Variants in MLLT6 observed in about 807,000 individuals in gnomAD.
MLLT6 encodes the protein protein AF-17.
MLLT6 carries 22 observed loss-of-function variants against 103.0 expected under a neutral mutation model. That is an observed-to-expected ratio of 0.21 (90% CI 0.15 to 0.31). The LOEUF is 0.31. Ranked by LOEUF, MLLT6 falls within the 10% of genes least tolerant of loss-of-function variation. The probability of loss-of-function intolerance (pLI) is 1.00; values close to 1 mark genes in which losing one functional copy is unlikely to be tolerated. For synonymous variants in MLLT6, 606 were observed against 623.5 expected, an observed-to-expected ratio of 0.97 and a Z score of 0.42; for missense variants, 1,199 against 1,441.7, an observed-to-expected ratio of 0.83 and a Z score of 2.73.
Position 38,717,422 on chromosome 17 carries a change from G to C in MLLT6, c.1652-10G>C. 6 of 1,579,974 alleles carry C rather than the reference G, an allele frequency of 3.8e-6. No individual in the cohort carries two copies. Among genetic ancestry groups the C allele is most frequent in the Non-Finnish European group, 5.2e-6 (6 of 1,160,412 alleles). On this transcript the variant is annotated splice_polypyrimidine_tract_variant and intron_variant, in intron 10 of 19. Transcript: ENST00000621332. Reference sequence around the variant, plus strand: ...TAACCACGTGCTTCCCTCTGTCCTTGTGCCTGCAGGCATCTACACCAGTAA... The same window carrying C: ...TAACCACGTGCTTCCCTCTGTCCTTCTGCCTGCAGGCATCTACACCAGTAA...
At chr17:38,712,465 G>A (rs887525545) in intron 7 of MLLT6, among the ~76,000 whole-genome samples, 1 of 152,194 alleles carries the variant, frequency 6.6e-6, no homozygotes, top group Non-Finnish European at 1.5e-5. Context: ...CGTGATAATG[G>A]GACAGGCTAT....
In MLLT6 at chr17:38,711,951, G is replaced by A. The variant is rs1905156129; in HGVS notation, c.657G>A (p.Arg219=). 6.2e-7 allele frequency: 1 copy of A among 1,609,640 alleles called. No individual in the cohort carries two copies. Among genetic ancestry groups the A allele is most frequent in the Admixed American group, 1.7e-5 (1 of 59,544 alleles). ...GTTTCATCTCTGGGAGGAGAAGCCGGTCAGCCTCACCATCCACGCAGCAGG... is the reference window on the plus strand; with the variant it reads ...GTTTCATCTCTGGGAGGAGAAGCCGATCAGCCTCACCATCCACGCAGCAGG... ...GSGFISGRRS[R]SASPSTQQEK... is the part of the protein sequence containing the mutation. Residue 219 remains arginine, a synonymous_variant, in exon 7 of 20, where the codon CGG becomes CGA. Transcript: ENST00000621332.
Position 38,716,860 on chromosome 17 carries a change from T to G in MLLT6, c.1530T>G (p.Ala510=), listed in dbSNP as rs1258756033. ...SAQLAGFTAT[A]ASPFSGGSLV... ...AGCTGGCTGGCTTTACCGCCACTGC[T>G]GCCTCACCCTTCTCTGGAGGTTCCC... Residue 510 remains alanine, a synonymous_variant, in exon 10 of 20, where the codon GCT becomes GCG. Coordinates refer to ENST00000621332, the MANE Select transcript of MLLT6 (RefSeq NM_005937.4). The surrounding 1 kb of genome is among the most constrained non-coding windows in gnomAD (Gnocchi z 5.6). 1 of 1,613,636 alleles carries G rather than the reference T, an allele frequency of 6.2e-7. No homozygotes were observed. The highest frequency in any genetic ancestry group is 8.5e-7 in the Non-Finnish European group (1 of 1,179,766).
rs929807924 is a variant in MLLT6, at chr17:38,727,152, TAAAGA to T, written c.*1561_*1565del. 7 of 230,738 alleles carry T rather than the reference TAAAGA, an allele frequency of 3.0e-5. No homozygotes were observed. Among genetic ancestry groups the T allele is most frequent in the African/African-American group, 6.7e-5 (3 of 44,898 alleles). 14.3% of individuals were successfully genotyped at this position (230,738 alleles called of 1,614,324 possible). A position where few individuals can be genotyped will look rare whatever the true frequency, so the allele number is the denominator to read the frequency against. On this transcript the variant is annotated 3_prime_UTR_variant, in exon 20 of 20. Coordinates refer to ENST00000621332, the MANE Select transcript of MLLT6 (RefSeq NM_005937.4). Reference sequence around the variant, plus strand: ...TGTTGGGTTTTTTTTTTTTTTTTAATAAAGAAAAGAAGATGTGTATATTTTTGGCA... The same window carrying T: ...TGTTGGGTTTTTTTTTTTTTTTTAATAAAGAAGATGTGTATATTTTTGGCA...
rs1555624012 is a variant in MLLT6, at chr17:38,726,399, G to GTGTGTC, written c.*804_*805insGTCTGT. The stretch of plus-strand genomic sequence containing the variant: ...TGTGTGTGTGTGTGTGTGTGTGTGT[G>GTGTGTC]TGTCTGTCTGCCTGTCTCTCTCCTC... On this transcript the variant is annotated 3_prime_UTR_variant, in exon 20 of 20. Transcript: ENST00000621332. The GTGTGTC allele has an allele frequency of 9.4e-5, 22 of 233,820 alleles. No homozygotes were observed. Among genetic ancestry groups the GTGTGTC allele is most frequent in the African/African-American group, 4.9e-4 (22 of 45,236 alleles). 14.5% of individuals were successfully genotyped at this position (233,820 alleles called of 1,614,324 possible).
Position 38,721,877 on chromosome 17 carries a change from G to T in MLLT6, c.2443-1G>T. On this transcript the variant is annotated splice_acceptor_variant, in intron 16 of 19. Transcript: ENST00000621332. LOFTEE classifies it high-confidence loss of function. ...CCCCTCCCTTCCCCCTCCCTCCCCA[G>T]GACCCACACTCAGGCTGCCCGAGCC... The T allele has an allele frequency of 6.4e-7, 1 of 1,557,896 alleles. No individual in the cohort carries two copies. The highest frequency in any genetic ancestry group is 1.1e-5 in the South Asian group (1 of 87,618).
chr17:38,706,414 C>G (rs1053902798), intron 1 of MLLT6, among the ~76,000 whole-genome samples: 6 of 152,058 alleles, frequency 3.9e-5, no homozygotes, highest in Non-Finnish European at 5.9e-5. Context: ...ATGCTGTGGC[C>G]CGGGGCTCTT....
chr17:38,719,387 C>T, intron 12 of MLLT6, 130 bp from the exon 13 acceptor site: 2 of 850,378 alleles, frequency 2.4e-6, no homozygotes, highest in Non-Finnish European at 3.8e-6. Flanking sequence ...CTTGAACTGC[C>T]AGTGTGGGGT....
At chr17:38,706,076 C>G (rs1597987708) in intron 1 of MLLT6, 1 of 156,850 alleles carries the variant, frequency 6.4e-6, no homozygotes. Context: ...CCCTCCCGCC[C>G]GGTTATTTTG....
In MLLT6 at chr17:38,720,352, G is replaced by T; in HGVS notation, c.2156-20G>T. 1 of 1,321,040 alleles carries T rather than the reference G, an allele frequency of 7.6e-7. No individual in the cohort carries two copies. Among genetic ancestry groups the T allele is most frequent in the South Asian group, 1.2e-5 (1 of 85,862 alleles). 81.8% of individuals were successfully genotyped at this position (1,321,040 alleles called of 1,614,324 possible). A position where few individuals can be genotyped will look rare whatever the true frequency, so the allele number is the denominator to read the frequency against. On this transcript the variant is annotated intron_variant, in intron 14 of 19. Coordinates refer to ENST00000621332, the MANE Select transcript of MLLT6 (RefSeq NM_005937.4). ...CTCCGCCCCCTCGCCCCTCCCTCAG[G>T]TTCCTCGCTCTCTCCGCAGTCGTGG... is the stretch of plus-strand genomic sequence containing the variant.
At chr17:38,705,890 C>G (rs114177874) in intron 1 of MLLT6, 149 bp downstream of exon 1, 3 of 300,004 alleles carry the variant, frequency 1.0e-5, no homozygotes, top group Admixed American at 5.1e-5. Flanking sequence ...GAGCTCCCCC[C>G]GCCCGGTCCT....
In MLLT6 at chr17:38,719,753, C is replaced by T. The variant is rs1422339559; in HGVS notation, c.2013C>T (p.Ser671=). ...TSPQESLSSM[S]PISSLPALFD... ...CCCAGGTTCCCTCTGGCCGCAGGTC[C>T]CCCATCAGCAGCCTCCCCGCACTCT... The change falls in exon 14 of 20, where the codon TCC becomes TCT. Residue 671 remains serine (S), a synonymous_variant. Transcript: ENST00000621332. 21 of 1,608,312 alleles carry T rather than the reference C, an allele frequency of 1.3e-5. No individual in the cohort carries two copies. Among genetic ancestry groups the T allele is most frequent in the Non-Finnish European group, 1.4e-5 (16 of 1,176,418 alleles).
rs1313529461 is a variant in MLLT6, at chr17:38,725,122, C to T, written c.3240+146C>T. 34 of 619,126 alleles carry T rather than the reference C, an allele frequency of 5.5e-5. 3 individuals are homozygous for T. The South Asian group carries it at 6.8e-4, about 12-fold the overall frequency. The allele number at this position is 619,126 out of a possible 1,614,324, so 38.4% of individuals were successfully genotyped here. A position where few individuals can be genotyped will look rare whatever the true frequency, so the allele number is the denominator to read the frequency against. ...AGTACCCTGCCTCAGACCCCAGGGC[C>T]TCTGCTTGCACATGGGTGCCCTCCT... On this transcript the variant is annotated intron_variant, in intron 19 of 19. Transcript: ENST00000621332.
chr17:38,710,949 G>C (rs1265538523), intron 6 of MLLT6, among the ~76,000 whole-genome samples: 4 of 152,192 alleles, frequency 2.6e-5, no homozygotes, highest in Non-Finnish European at 5.9e-5. Flanking sequence ...TCCTGGGCAG[G>C]GTGTAGTGGC....
intron 8 of MLLT6, chr17:38,713,169 C>T (rs1954755974): frequency 1.6e-6 from 1 of 630,398 alleles, no homozygotes; most frequent in African/African-American, 1.8e-5. Flanking sequence ...AGGAGGACAC[C>T]CAAAGCTTGT....
intron 17 of MLLT6, among the ~76,000 whole-genome samples, chr17:38,722,467 A>C (rs1422978380): frequency 6.6e-6 from 1 of 152,080 alleles, no homozygotes; most frequent in African/African-American, 2.4e-5. Flanking sequence ...CCTGCACTCT[A>C]GGATTTCCTT....
chr17:38,705,421 C>T lies in MLLT6; in HGVS notation c.-212C>T. The T allele has an allele frequency of 1.3e-5, 5 of 374,062 alleles. 1 individual carries two copies. The South Asian group carries it at 1.8e-4, about 13-fold the overall frequency. The allele number at this position is 374,062 out of a possible 1,614,324, so 23.2% of individuals were successfully genotyped here. ...TCGGGGCATGAGGGCGAGAGCACGG[C>T]GGGGGGGGCGGCCAGACAGAGCGAG... On this transcript the variant is annotated 5_prime_UTR_variant, in exon 1 of 20. Transcript: ENST00000621332.
chr17:38,712,236 C>G, intron 7 of MLLT6: 1 of 452,100 alleles, frequency 2.2e-6, no homozygotes, highest in Non-Finnish European at 2.9e-6. Flanking sequence ...TGGGTCCTCC[C>G]CATGACATCA....
intron 6 of MLLT6, 126 bp from the exon 7 acceptor site, chr17:38,711,721 G>C (rs1272574461): frequency 3.1e-5 from 36 of 1,165,810 alleles, no homozygotes; most frequent in Non-Finnish European, 4.1e-5. Flanking sequence ...GAGGACATGA[G>C]GTCCTCTTAG....
Sources: allele counts gnomAD v4.1 joint callset (sites outside exome capture counted in the v4.1 genomes callset), GRCh38; gene constraint gnomAD v4.1.1; non-coding constraint Gnocchi (gnomAD v3.1); transcripts MANE v1.5; gene names NCBI Gene and HGNC (gene_info 2026-07-23, HGNC 2026-07-21).